Variants in PDE4D observed in about 807,000 individuals in gnomAD.
The protein encoded by PDE4D is phosphodiesterase 4D.
In PDE4D, 24 loss-of-function variants were observed where a neutral mutation model predicts 87.4. That is an observed-to-expected ratio of 0.27 (90% CI 0.20 to 0.39). The LOEUF (loss-of-function observed/expected upper bound fraction) is 0.39. PDE4D is among the 10% of genes least tolerant of loss of function. The probability of loss-of-function intolerance (pLI) is 1.00; values close to 1 mark genes in which losing one functional copy is unlikely to be tolerated. For synonymous variants in PDE4D, 384 were observed against 383.2 expected (o/e 1.00, Z -0.02); for missense variants, 714 against 1,041.0 (o/e 0.69, Z 4.32).
chr5:60,447,613 A>C (rs1454359135), intron 1 of PDE4D, among the ~76,000 whole-genome samples: 1 of 152,170 alleles, frequency 6.6e-6, no homozygotes, highest in Non-Finnish European at 1.5e-5. Flanking sequence ...GTTATCTCAA[A>C]GGTCACAGAT....
chr5:59,596,997 G>C (rs1026807835), intron 1 of PDE4D, among the ~76,000 whole-genome samples: 1 of 152,064 alleles, frequency 6.6e-6, no homozygotes, highest in Non-Finnish European at 1.5e-5. Flanking sequence ...AAAAGAAATC[G>C]GTGATTGTAT....
At chr5:59,286,930 A>G (rs1184547469) in intron 1 of PDE4D, among the ~76,000 whole-genome samples, 4 of 151,978 alleles carry the variant, frequency 2.6e-5, no homozygotes. Context: ...ATTTTCATTT[A>G]AAGTTTTCTT....
At chr5:60,160,497 A>C (rs1278236498) in intron 2 of PDE4D, among the ~76,000 whole-genome samples, 2 of 152,114 alleles carry the variant, frequency 1.3e-5, no homozygotes, top group East Asian at 3.9e-4. Flanking sequence ...ACACTAACAA[A>C]ATTTTTTTTA....
intron 2 of PDE4D, among the ~76,000 whole-genome samples, chr5:60,065,945 T>C (rs1413926210): frequency 2.6e-5 from 4 of 152,250 alleles, no homozygotes; most frequent in African/African-American, 4.8e-5. Flanking sequence ...TTTGGGTATA[T>C]ACCCAGTAAT....
chr5:59,601,720 G>A lies in PDE4D; in HGVS notation c.455+291448C>T, dbSNP rs552734365. ...CATTAGTCTCACTCCCTCTCCTTTC[G>A]TGCTCAACCAAAACTTGAGATTTAT... On this transcript the variant is annotated intron_variant, in intron 1 of 14. Transcript: ENST00000340635. Among the ~76,000 whole-genome samples the A allele has an allele frequency of 9.2e-5, 14 of 151,878 alleles. No homozygotes were observed. The South Asian group carries it at 1.7e-3, about 18-fold the overall frequency.
chr5:59,014,428 T>C, intron 6 of PDE4D, among the ~76,000 whole-genome samples: 1 of 152,170 alleles, frequency 6.6e-6, no homozygotes, highest in East Asian at 1.9e-4. Context: ...CTCCTTAAGC[T>C]GATAAACAAC....
chr5:59,832,898 A>G (rs755781681), intron 1 of PDE4D, among the ~76,000 whole-genome samples: 1 of 152,074 alleles, frequency 6.6e-6, no homozygotes, highest in Non-Finnish European at 1.5e-5. Context: ...GAATCCCAAC[A>G]TGGAAAAACA....
intron 1 of PDE4D, among the ~76,000 whole-genome samples, chr5:59,607,256 G>A (rs1828333444): frequency 6.6e-6 from 1 of 152,080 alleles, no homozygotes; most frequent in Non-Finnish European, 1.5e-5. Context: ...TTTGGCAAAG[G>A]CTGACATTTT....
At chr5:59,327,470 T>C (rs915345692) in intron 1 of PDE4D, among the ~76,000 whole-genome samples, 5 of 152,074 alleles carry the variant, frequency 3.3e-5, no homozygotes, top group Non-Finnish European at 7.4e-5. Flanking sequence ...AAGAAAGCGA[T>C]AGCACAAAGC....
chr5:59,404,102 C>A (rs1387697745), intron 1 of PDE4D, among the ~76,000 whole-genome samples: 1 of 152,180 alleles, frequency 6.6e-6, no homozygotes, highest in Non-Finnish European at 1.5e-5. Flanking sequence ...TGTATGTCTT[C>A]TTTTCAGAAA....
At chr5:59,983,068 T>C (rs1762090139) in intron 3 of PDE4D, among the ~76,000 whole-genome samples, 1 of 152,162 alleles carries the variant, frequency 6.6e-6, no homozygotes, top group African/African-American at 2.4e-5. Flanking sequence ...CTTCACAAGA[T>C]GGTAGTAGGT....
At chr5:59,850,869 G>A (rs1317924581) in intron 1 of PDE4D, among the ~76,000 whole-genome samples, 1 of 152,138 alleles carries the variant, frequency 6.6e-6, no homozygotes, top group African/African-American at 2.4e-5. Flanking sequence ...AAATATTCCA[G>A]AAATCTCTTT....
chr5:59,771,462 A>AGAGAGAG (rs1491353054), intron 1 of PDE4D, among the ~76,000 whole-genome samples: 4 of 78,730 alleles, frequency 5.1e-5, no homozygotes, highest in African/African-American at 2.3e-4. Context: ...AGAAAGAAAG[A>AGAGAGAG]AAGAAAGAAA....
chr5:59,958,795 CCCATTCCTA>C (rs1214584993), intron 3 of PDE4D, among the ~76,000 whole-genome samples: 1 of 152,096 alleles, frequency 6.6e-6, no homozygotes, highest in Non-Finnish European at 1.5e-5. Flanking sequence ...GACAAGGATG[CCCATTCCTA>C]CCATTCCTAT....
At chr5:59,689,734 G>T (rs912879143) in intron 1 of PDE4D, among the ~76,000 whole-genome samples, 5 of 152,160 alleles carry the variant, frequency 3.3e-5, no homozygotes, top group African/African-American at 1.2e-4. Context: ...AATCAGGCAG[G>T]AGAAAGAAAT....
At chr5:59,006,837 A>G (rs1021329599) in intron 6 of PDE4D, among the ~76,000 whole-genome samples, 3 of 152,184 alleles carry the variant, frequency 2.0e-5, no homozygotes, top group African/African-American at 7.2e-5. Flanking sequence ...ACAGAGGTCA[A>G]GAGAGAAAAG....
At chr5:59,970,637 C>A (rs949213055) in intron 3 of PDE4D, among the ~76,000 whole-genome samples, 2 of 151,256 alleles carry the variant, frequency 1.3e-5, no homozygotes, top group Non-Finnish European at 3.0e-5. Flanking sequence ...CAGAGAAATG[C>A]AAATCAAAAC....
At chr5:59,751,270 A>G (rs1055677519) in intron 1 of PDE4D, among the ~76,000 whole-genome samples, 3 of 152,206 alleles carry the variant, frequency 2.0e-5, no homozygotes, top group Non-Finnish European at 4.4e-5. Flanking sequence ...TGTTCTATGC[A>G]TCAGAACACA....
At chr5:59,982,067 C>A (rs565270733) in intron 3 of PDE4D, among the ~76,000 whole-genome samples, 2 of 152,166 alleles carry the variant, frequency 1.3e-5, no homozygotes, top group African/African-American at 2.4e-5. Flanking sequence ...TAAAATGAAC[C>A]CTTATATGAA....
Sources: allele counts gnomAD v4.1 joint callset (sites outside exome capture counted in the v4.1 genomes callset), GRCh38; gene constraint gnomAD v4.1.1; transcripts MANE v1.5; gene names NCBI Gene and HGNC (gene_info 2026-07-23, HGNC 2026-07-21).